Variants in SOCS5 observed in about 807,000 individuals in gnomAD.
SOCS5 encodes the protein CIS-6.
In SOCS5, 32 loss-of-function variants were observed where a neutral mutation model predicts 42.8. The observed-to-expected ratio is 0.75, with a 90% CI of 0.56 to 1.01. The LOEUF (loss-of-function observed/expected upper bound fraction) is 1.01, where lower values mean the gene tolerates loss of function less well. Among genes scored for constraint, SOCS5 ranks in the 50% least tolerant of loss-of-function variants. The pLI is 0.00. For missense variants in SOCS5, 627 were observed against 653.0 expected (o/e 0.96, Z 0.43); for synonymous variants, 283 against 229.6 (o/e 1.23, Z -2.10).
In SOCS5 at chr2:46,714,588, C is replaced by T. The variant is rs991171747; in HGVS notation, c.-13+15139C>T. ...CTTTTTTTATCTAGTCTGATAATCT[C>T]TCCTTTAATTGATGTGTTTAGATCA... On this transcript the variant is annotated intron_variant, in intron 1 of 1. Coordinates refer to ENST00000394861, the MANE Select transcript of SOCS5 (RefSeq NM_144949.3). Among the ~76,000 whole-genome samples the T allele has an allele frequency of 2.6e-5, 4 of 152,242 alleles. No homozygotes were observed. In the East Asian group the frequency reaches 7.7e-4, roughly 29 times the overall value.
intron 1 of SOCS5, among the ~76,000 whole-genome samples, chr2:46,714,476 A>G (rs1392639240): frequency 1.3e-5 from 2 of 152,186 alleles, no homozygotes; most frequent in Non-Finnish European, 2.9e-5. Flanking sequence ...TTTACATGAT[A>G]TATCTTTTTC....
intron 1 of SOCS5, among the ~76,000 whole-genome samples, chr2:46,724,132 G>C (rs1672943371): frequency 6.6e-6 from 1 of 151,662 alleles, no homozygotes; most frequent in Non-Finnish European, 1.5e-5. Context: ...TTACTCTTTA[G>C]TTGTAAGAGG....
chr2:46,755,389 A>G (rs1673710369), intron 1 of SOCS5, among the ~76,000 whole-genome samples: 1 of 152,160 alleles, frequency 6.6e-6, no homozygotes, highest in Admixed American at 6.5e-5. Flanking sequence ...CATTGACTGT[A>G]CTATTTCATT....
intron 1 of SOCS5, among the ~76,000 whole-genome samples, chr2:46,719,548 G>A (rs1025376181): frequency 4.6e-5 from 7 of 152,164 alleles, no homozygotes; most frequent in Middle Eastern, 3.4e-3. Context: ...AGGTGTGGAT[G>A]TCCTTATGTT....
At position 46,726,881 on chromosome 2, in the gene SOCS5, C is replaced by T. The variant is rs1255915447; in HGVS notation, c.-13+27432C>T. Among the ~76,000 whole-genome samples, 9 of 151,484 alleles carry T rather than the reference C, an allele frequency of 5.9e-5. No individual in the cohort carries two copies. The South Asian group carries it at 6.2e-4, about 11-fold the overall frequency. On this transcript the variant is annotated intron_variant, in intron 1 of 1. Transcript: ENST00000394861. ...AAGCGATTCTCCTGCCTCAGCCTCA[C>T]GAATAGCTGGAATTACAGGTGCCTG...
intron 1 of SOCS5, among the ~76,000 whole-genome samples, chr2:46,757,482 T>G (rs1305398629): frequency 6.6e-6 from 1 of 152,182 alleles, no homozygotes; most frequent in Non-Finnish European, 1.5e-5. Flanking sequence ...TTGGTTTTTG[T>G]TTTTGCGAGT....
intron 1 of SOCS5, among the ~76,000 whole-genome samples, chr2:46,742,328 T>A (rs1673396203): frequency 6.6e-6 from 1 of 151,814 alleles, no homozygotes; most frequent in Non-Finnish European, 1.5e-5. Flanking sequence ...CAAGCAAGCA[T>A]CCTCTCCATA....
chr2:46,707,104 G>C (rs1286628607), intron 1 of SOCS5, among the ~76,000 whole-genome samples: 1 of 152,200 alleles, frequency 6.6e-6, no homozygotes, highest in African/African-American at 2.4e-5. Context: ...ACAGAAGGTA[G>C]AGGAGGAGAA....
chr2:46,732,573 G>T (rs775846331), intron 1 of SOCS5, among the ~76,000 whole-genome samples: 67 of 152,324 alleles, frequency 4.4e-4, no homozygotes, highest in Non-Finnish European at 7.5e-4. Flanking sequence ...CCACTTGAAA[G>T]AATTTACATT....
chr2:46,700,013 A>G (rs999229829), intron 1 of SOCS5, among the ~76,000 whole-genome samples: 2 of 152,172 alleles, frequency 1.3e-5, no homozygotes, highest in African/African-American at 2.4e-5. Flanking sequence ...TTAACTAACC[A>G]AGGTGGGTAA....
intron 1 of SOCS5, among the ~76,000 whole-genome samples, chr2:46,709,445 C>T (rs977352529): frequency 1.3e-5 from 2 of 152,126 alleles, no homozygotes; most frequent in African/African-American, 4.8e-5. Context: ...TGGAAAGAAT[C>T]TGACTTAGGT....
intron 1 of SOCS5, among the ~76,000 whole-genome samples, chr2:46,700,570 A>G (rs1482663662): frequency 1.3e-5 from 2 of 152,250 alleles, no homozygotes; most frequent in Non-Finnish European, 1.5e-5. Context: ...CGGATTCTAT[A>G]TAAGTTTTAA....
At chr2:46,747,477 A>G (rs1413245972) in intron 1 of SOCS5, among the ~76,000 whole-genome samples, 1 of 152,100 alleles carries the variant, frequency 6.6e-6, no homozygotes, top group Non-Finnish European at 1.5e-5. Context: ...TGGCCTCCCA[A>G]AGTGCTGAGA....
rs116970465 is a variant in SOCS5 at position 46,718,511 on chromosome 2, A to G, written c.-13+19062A>G. Among the ~76,000 whole-genome samples, 41 of 152,338 alleles carry G rather than the reference A, an allele frequency of 2.7e-4. 1 individual carries two copies. The East Asian group carries it at 7.7e-3, about 29-fold the overall frequency. On this transcript the variant is annotated intron_variant, in intron 1 of 1. Transcript: ENST00000394861. ...CCCAAACCCAAAGTTTACCAGTTAT[A>G]TGAACATCATTTTGGGTATCTTTTA...
At chr2:46,745,013 A>G (rs765857827) in intron 1 of SOCS5, among the ~76,000 whole-genome samples, 1 of 151,698 alleles carries the variant, frequency 6.6e-6, no homozygotes, top group Non-Finnish European at 1.5e-5. Flanking sequence ...ATTTAAGTGG[A>G]TTTCCAGGAT....
rs139024335 is a variant in SOCS5 at position 46,759,557 on chromosome 2, A to T, written c.1027A>T (p.Ile343Leu). 1.8e-4 allele frequency: 296 copies of T among 1,613,870 alleles called. No individual in the cohort carries two copies. The highest frequency in any genetic ancestry group is 2.3e-4 in the Non-Finnish European group (277 of 1,179,872). Reference sequence around the variant, plus strand: ...GTCACGGAGGCAGAAGCAGCGTCAGATATCTGGAGACAGCCATACCCATGT... The same window carrying T: ...GTCACGGAGGCAGAAGCAGCGTCAGTTATCTGGAGACAGCCATACCCATGT... ...LQSRRQKQRQISGDSHTHVSR... is the reference protein window; with the variant it reads ...LQSRRQKQRQLSGDSHTHVSR... The change falls in exon 2 of 2, where the codon ATA (isoleucine) becomes TTA (leucine). Residue 343 changes from isoleucine to leucine, a missense_variant. Physicochemically the swap from Ile to Leu is conservative, Grantham distance 5. Around this residue, in one of 3 missense-constraint regions of SOCS5, gnomAD observed 340 missense variants for 367.6 expected, o/e 0.92. Transcript: ENST00000394861.
Position 46,761,156 on chromosome 2 carries a change from C to G in SOCS5, c.*1015C>G, listed in dbSNP as rs1222240389. 6.0e-6 allele frequency: 1 copy of G among 167,048 alleles called. No homozygotes were observed. Among genetic ancestry groups the G allele is most frequent in the Non-Finnish European group, 1.5e-5 (1 of 68,120 alleles). 10.3% of individuals were successfully genotyped at this position (167,048 alleles called of 1,614,324 possible). Reference sequence around the variant, plus strand: ...TTATAGAATTTCAGTGCAGTTCATTCTTAATGGAAAATCTGAAACCTAAAT... The same window carrying G: ...TTATAGAATTTCAGTGCAGTTCATTGTTAATGGAAAATCTGAAACCTAAAT... On this transcript the variant is annotated 3_prime_UTR_variant, in exon 2 of 2. Transcript: ENST00000394861.
chr2:46,700,990 T>C (rs1672330605), intron 1 of SOCS5, among the ~76,000 whole-genome samples: 1 of 152,232 alleles, frequency 6.6e-6, no homozygotes, highest in South Asian at 2.1e-4. Flanking sequence ...AGAAAACATT[T>C]CTGCAAAAAG....
rs1301439405 is a variant in SOCS5 at position 46,699,719 on chromosome 2, A to T, written c.-13+270A>T. Among the ~76,000 whole-genome samples the T allele has an allele frequency of 6.6e-6, 1 of 151,824 alleles. No homozygotes were observed. The highest frequency in any genetic ancestry group is 2.4e-5 in the African/African-American group (1 of 41,316). On this transcript the variant is annotated intron_variant, in intron 1 of 1. Coordinates refer to ENST00000394861, the MANE Select transcript of SOCS5 (RefSeq NM_144949.3). The surrounding 1 kb of genome is among the most constrained non-coding windows in gnomAD (Gnocchi z 4.8). ...GTAGGCTCTCGATGCATTTCTGTGG[A>T]ATTGTTTTTCTGGTTGGAGGAACGT... is the stretch of plus-strand genomic sequence containing the variant.
Sources: gnomAD v4.1 joint callset for allele counts (sites outside exome capture counted in the v4.1 genomes callset) on GRCh38, gnomAD v4.1.1 for gene constraint, gnomAD v4.1.1 regional missense constraint, Gnocchi (gnomAD v3.1) non-coding constraint, MANE v1.5 for transcripts, NCBI Gene and HGNC (gene_info 2026-07-23, HGNC 2026-07-21) for gene names.